AFTPH: variants seen among roughly 807,000 people sequenced by gnomAD.
The protein encoded by AFTPH is aftiphilin.
In AFTPH, 7 loss-of-function variants were observed where a neutral mutation model predicts 72.5. The ratio of observed to expected loss-of-function variants is 0.10; its 90% confidence interval spans 0.05 to 0.18. The LOEUF (loss-of-function observed/expected upper bound fraction) is 0.18, where lower values mean the gene tolerates loss of function less well. Among genes scored for constraint, AFTPH ranks in the 10% least tolerant of loss-of-function variants. The pLI is 1.00. For synonymous variants in AFTPH, 337 were observed against 370.1 expected, an observed-to-expected ratio of 0.91 and a Z score of 1.03; for missense variants, 979 against 1,060.5, an observed-to-expected ratio of 0.92 and a Z score of 1.07.
At chr2:64,535,028 A>C (rs1349754877) in intron 1 of AFTPH, among the ~76,000 whole-genome samples, 1 of 152,172 alleles carries the variant, frequency 6.6e-6, no homozygotes, top group African/African-American at 2.4e-5. Context: ...TGTTTTTGAA[A>C]TCTTAAGAAT....
At chr2:64,568,403 A>G (rs554587364) in intron 3 of AFTPH, among the ~76,000 whole-genome samples, 109 of 151,800 alleles carry the variant, frequency 7.2e-4, no homozygotes, top group South Asian at 1.5e-3. Context: ...TTGTGATCCA[A>G]CACCTTATCA....
chr2:64,525,095 CT>C (rs1367635747), intron 1 of AFTPH, among the ~76,000 whole-genome samples: 1 of 152,226 alleles, frequency 6.6e-6, no homozygotes, highest in Non-Finnish European at 1.5e-5. Context: ...CCAAGGGTCT[CT>C]GAAGCAAGCG....
In AFTPH at chr2:64,580,562, T is replaced by C. The variant is rs528182405; in HGVS notation, c.2455+1016T>C. On this transcript the variant is annotated intron_variant, in intron 7 of 8. Transcript: ENST00000238856. ...TCTGGTGTCTTCAGTCAAATCATCA[T>C]GCTTTTTATTAACAAACAACTTCTT... 3 of 152,780 alleles carry C rather than the reference T, an allele frequency of 2.0e-5. No homozygotes were observed. The East Asian group carries it at 5.8e-4, about 29-fold the overall frequency. 9.5% of individuals were successfully genotyped at this position (152,780 alleles called of 1,614,324 possible).
At chr2:64,558,938 T>C (rs1309723048) in intron 2 of AFTPH, among the ~76,000 whole-genome samples, 2 of 152,090 alleles carry the variant, frequency 1.3e-5, no homozygotes, top group Non-Finnish European at 2.9e-5. Flanking sequence ...TACACATCTT[T>C]AGGATCTATA....
chr2:64,552,003 C>G, exon 2 of AFTPH: 1 of 1,613,900 alleles, frequency 6.2e-7, no homozygotes, highest in South Asian at 1.1e-5. Flanking sequence ...TGAAAAGCCT[C>G]CTTGTCTGGA....
At chr2:64,577,420 T>A (rs993426859) in intron 6 of AFTPH, among the ~76,000 whole-genome samples, 6 of 152,202 alleles carry the variant, frequency 3.9e-5, no homozygotes, top group African/African-American at 1.4e-4. Flanking sequence ...CAAAATACCA[T>A]ACCCCTGTTT....
At chr2:64,563,452 C>T (rs1274934371) in intron 2 of AFTPH, among the ~76,000 whole-genome samples, 1 of 152,098 alleles carries the variant, frequency 6.6e-6, no homozygotes, top group East Asian at 1.9e-4. Flanking sequence ...AGTGTCTGAT[C>T]ACAATCTGTT....
At chr2:64,564,807 T>TA (rs1283496006) in intron 2 of AFTPH, among the ~76,000 whole-genome samples, 1 of 151,914 alleles carries the variant, frequency 6.6e-6, no homozygotes, top group East Asian at 1.9e-4. Context: ...AGGATGCCCT[T>TA]ACCACCAAAC....
At chr2:64,570,280 G>A (rs1672333812) in intron 5 of AFTPH, among the ~76,000 whole-genome samples, 1 of 151,940 alleles carries the variant, frequency 6.6e-6, no homozygotes. Context: ...TTTTTGGTGT[G>A]TATTTTTATC....
rs1673824113 is a variant in AFTPH at position 64,591,525 on chromosome 2, T to TA, written c.2580-359dup. On this transcript the variant is annotated intron_variant, in intron 8 of 8. Transcript: ENST00000238856. ...GGAAAAACCCAGTTAGGTGGAGTGT[T>TA]ACTAAGGCTTCAGATTTATATTTCT... 8.5e-5 allele frequency among the ~76,000 whole-genome samples: 13 copies of TA among 152,298 alleles called. No homozygotes were observed. In the South Asian group the frequency reaches 1.9e-3, roughly 22 times the overall value.
chr2:64,572,466 G>A (rs766260814), intron 5 of AFTPH, among the ~76,000 whole-genome samples: 3 of 152,094 alleles, frequency 2.0e-5, no homozygotes, highest in African/African-American at 4.8e-5. Flanking sequence ...AAAGGGTGCC[G>A]TTTCTTACAA....
Position 64,552,241 on chromosome 2 carries a change from G to C in AFTPH, c.767G>C (p.Arg256Thr). Residue 256 changes from arginine to threonine, a missense_variant, in exon 2 of 9, where the codon AGA becomes ACA. By Grantham distance (71) the Arg-to-Thr change is moderately conservative (BLOSUM62 -1). Around this residue, in one of 3 missense-constraint regions of AFTPH, gnomAD observed 498 missense variants for 467.6 expected, o/e 1.06. Transcript: ENST00000238856. ...ATAGAATGTGCAGTTTTAAATGATA[G>C]AGAAGCACTAACCATTCGGGAAAAC... The C allele has an allele frequency of 6.2e-7, 1 of 1,613,968 alleles. No homozygotes were observed. Among genetic ancestry groups the C allele is most frequent in the Non-Finnish European group, 8.5e-7 (1 of 1,179,996 alleles).
chr2:64,554,827 C>G (rs1250827973), intron 2 of AFTPH, among the ~76,000 whole-genome samples: 1 of 152,228 alleles, frequency 6.6e-6, no homozygotes, highest in Non-Finnish European at 1.5e-5. Flanking sequence ...AGTTTCATCT[C>G]ACTAGAGGAT....
At chr2:64,553,808 G>C (rs917360344) in intron 2 of AFTPH, among the ~76,000 whole-genome samples, 27 of 133,516 alleles carry the variant, frequency 2.0e-4, no homozygotes, top group African/African-American at 7.4e-4. Context: ...ACTGAGATTT[G>C]GATCTTTTTT....
chr2:64,576,184 CATATAT>C (rs779422046), intron 6 of AFTPH, among the ~76,000 whole-genome samples: 1 of 141,152 alleles, frequency 7.1e-6, no homozygotes, highest in Non-Finnish European at 1.5e-5. Flanking sequence ...TTTACATATA[CATATAT>C]ATATATAACA....
At chr2:64,526,089 T>C (rs1669245221) in intron 1 of AFTPH, among the ~76,000 whole-genome samples, 1 of 152,252 alleles carries the variant, frequency 6.6e-6, no homozygotes, top group Non-Finnish European at 1.5e-5. Context: ...GTTTTAATGT[T>C]TGCTGATCTT....
chr2:64,544,938 A>C (rs2103883761), intron 1 of AFTPH, among the ~76,000 whole-genome samples: 1 of 152,276 alleles, frequency 6.6e-6, no homozygotes, highest in Non-Finnish European at 1.5e-5. Context: ...TTACTCTAGA[A>C]GGCCAATAAA....
At chr2:64,546,271 A>T (rs1670613847) in intron 1 of AFTPH, among the ~76,000 whole-genome samples, 2 of 152,282 alleles carry the variant, frequency 1.3e-5, no homozygotes, top group South Asian at 4.1e-4. Context: ...TTGTCATGGT[A>T]AATTTTATAT....
At chr2:64,578,574 TTAAACAGTCTC>T (rs1672968891) in intron 6 of AFTPH, among the ~76,000 whole-genome samples, 1 of 146,378 alleles carries the variant, frequency 6.8e-6, no homozygotes, top group Non-Finnish European at 1.5e-5. Flanking sequence ...TTTTTTTTTT[TTAAACAGTCTC>T]ACTCTGTCGC....
Sources: allele counts gnomAD v4.1 joint callset (sites outside exome capture counted in the v4.1 genomes callset), GRCh38; gene constraint gnomAD v4.1.1; regional missense constraint gnomAD v4.1.1; transcripts MANE v1.5; gene names NCBI Gene and HGNC (gene_info 2026-07-23, HGNC 2026-07-21).